The following GLIS1 variants were observed in gnomAD, a reference collection of about 807,000 sequenced individuals.
GLIS1 encodes the protein zinc finger protein GLIS1.
In GLIS1, 24 loss-of-function variants were observed where a neutral mutation model predicts 63.8. The observed-to-expected ratio is 0.38, with a 90% CI of 0.27 to 0.53. GLIS1 has a LOEUF of 0.53. GLIS1 is among the 20% of genes least tolerant of loss of function. The probability of loss-of-function intolerance (pLI) is 0.85; values close to 1 mark genes in which losing one functional copy is unlikely to be tolerated. For missense variants in GLIS1, 1,036 were observed against 1,074.1 expected (o/e 0.96, Z 0.50); for synonymous variants, 450 against 482.5 (o/e 0.93, Z 0.88).
At chr1:53,716,587 G>C (rs1557538455) in intron 2 of GLIS1, among the ~76,000 whole-genome samples, 1 of 152,176 alleles carries the variant, frequency 6.6e-6, no homozygotes, top group Non-Finnish European at 1.5e-5. Flanking sequence ...GGTATGATAA[G>C]ATATTGCATC....
At chr1:53,514,051 T>C (rs984705822) in intron 8 of GLIS1, among the ~76,000 whole-genome samples, 2 of 152,178 alleles carry the variant, frequency 1.3e-5, no homozygotes, top group African/African-American at 4.8e-5. Context: ...CATTCACCAT[T>C]TCCAGTCAAT....
Position 53,646,888 on chromosome 1 carries a change from A to G in GLIS1, c.260-46610T>C, listed in dbSNP as rs1168479540. On this transcript the variant is annotated intron_variant, in intron 2 of 10. Coordinates refer to ENST00000628545, the MANE Select transcript of GLIS1 (RefSeq NM_001367484.1). The surrounding 1 kb of genome is among the most constrained non-coding windows in gnomAD (Gnocchi z 4.2). Reference sequence around the variant, plus strand: ...GAAGGAAGGAAGGAAGGAGAAGGGAAGGGAAGGAAGGAAAGGAAGGAAGGG... The same window carrying G: ...GAAGGAAGGAAGGAAGGAGAAGGGAGGGGAAGGAAGGAAAGGAAGGAAGGG... 6.8e-6 allele frequency among the ~76,000 whole-genome samples: 1 copy of G among 146,988 alleles called. No homozygotes were observed. The highest frequency in any genetic ancestry group is 1.5e-5 in the Non-Finnish European group (1 of 66,508).
intron 2 of GLIS1, among the ~76,000 whole-genome samples, chr1:53,645,727 A>C (rs1254654237): frequency 1.3e-5 from 2 of 152,228 alleles, no homozygotes; most frequent in Non-Finnish European, 2.9e-5. Flanking sequence ...TTTCATCTCC[A>C]TTGTACTCAA....
At chr1:53,709,002 T>C (rs886213935) in intron 2 of GLIS1, among the ~76,000 whole-genome samples, 2 of 152,092 alleles carry the variant, frequency 1.3e-5, no homozygotes, top group Non-Finnish European at 2.9e-5. Flanking sequence ...ATTCATGGAG[T>C]ACTAGTGTAC....
At chr1:53,650,627 C>G (rs1248803814) in intron 2 of GLIS1, among the ~76,000 whole-genome samples, 1 of 150,230 alleles carries the variant, frequency 6.7e-6, no homozygotes, top group East Asian at 2.0e-4. Context: ...TTAGGAAAGG[C>G]TTGGTAGGGT....
At chr1:53,546,268 C>A (rs373311729) in intron 4 of GLIS1, among the ~76,000 whole-genome samples, 1 of 152,246 alleles carries the variant, frequency 6.6e-6, no homozygotes, top group Non-Finnish European at 1.5e-5. Flanking sequence ...GGCAAGCCCA[C>A]GCCACAAACC....
At chr1:53,638,930 G>A (rs1207482079) in intron 2 of GLIS1, among the ~76,000 whole-genome samples, 1 of 152,148 alleles carries the variant, frequency 6.6e-6, no homozygotes, top group East Asian at 1.9e-4. Context: ...CCCTCTTGTG[G>A]TCTGGACTTC....
chr1:53,633,775 C>A (rs2100262031), intron 2 of GLIS1, among the ~76,000 whole-genome samples: 1 of 152,140 alleles, frequency 6.6e-6, no homozygotes. Flanking sequence ...CGTGCACACA[C>A]CCAGGTGTGA....
rs530398757 is a variant in GLIS1 at position 53,659,759 on chromosome 1, G to A, written c.260-59481C>T. Reference sequence around the variant, plus strand: ...CCTGGGAAAGCTGTTCATCTACATTGAGCCTCAGTTTCCTCATCTGCAAAA... The same window carrying A: ...CCTGGGAAAGCTGTTCATCTACATTAAGCCTCAGTTTCCTCATCTGCAAAA... On this transcript the variant is annotated intron_variant, in intron 2 of 10. Transcript: ENST00000628545. Among the ~76,000 whole-genome samples, 36 of 152,324 alleles carry A rather than the reference G, an allele frequency of 2.4e-4. No homozygotes were observed. In the South Asian group the frequency reaches 6.8e-3, roughly 29 times the overall value.
intron 2 of GLIS1, among the ~76,000 whole-genome samples, chr1:53,609,950 T>A (rs1274758210): frequency 6.6e-6 from 1 of 152,246 alleles, no homozygotes; most frequent in Non-Finnish European, 1.5e-5. Flanking sequence ...TTAGCATTTG[T>A]GTATCTCTAA....
chr1:53,536,242 A>G (rs1644580332), intron 4 of GLIS1, among the ~76,000 whole-genome samples: 1 of 152,048 alleles, frequency 6.6e-6, no homozygotes, highest in Admixed American at 6.5e-5. Context: ...GGGCTCCCAC[A>G]CCATGGGAAC....
chr1:53,696,550 C>T (rs1646466856), intron 2 of GLIS1, among the ~76,000 whole-genome samples: 1 of 152,190 alleles, frequency 6.6e-6, no homozygotes, highest in Admixed American at 6.5e-5. Flanking sequence ...CAAAGCATAG[C>T]TAAAAACTCT....
At chr1:53,637,703 C>G (rs1417973180) in intron 2 of GLIS1, among the ~76,000 whole-genome samples, 1 of 152,150 alleles carries the variant, frequency 6.6e-6, no homozygotes, top group Non-Finnish European at 1.5e-5. Context: ...CCACATCCAA[C>G]ATACAAGGGT....
intron 2 of GLIS1, among the ~76,000 whole-genome samples, chr1:53,736,590 G>A (rs1646915014): frequency 6.6e-6 from 1 of 152,112 alleles, no homozygotes; most frequent in Non-Finnish European, 1.5e-5. Flanking sequence ...CACTCAGCAG[G>A]CATTTCCCGC....
chr1:53,526,576 ACAC>A lies in GLIS1; in HGVS notation c.1483-1692_1483-1690del, dbSNP rs1460742320. Among the ~76,000 whole-genome samples, 4 of 151,894 alleles carry A rather than the reference ACAC, an allele frequency of 2.6e-5. No homozygotes were observed. The highest frequency in any genetic ancestry group is 2.9e-5 in the Non-Finnish European group (2 of 67,980). ...ACAAAACCACCACCACCACACACAC[ACAC>A]CACACCATACACACCCACGCACGGC... On this transcript the variant is annotated intron_variant, in intron 5 of 10. Coordinates refer to ENST00000628545, the MANE Select transcript of GLIS1 (RefSeq NM_001367484.1). The surrounding 1 kb of genome is among the most constrained non-coding windows in gnomAD (Gnocchi z 4.4).
intron 4 of GLIS1, among the ~76,000 whole-genome samples, chr1:53,562,762 A>G (rs367691410): frequency 1.1e-4 from 16 of 152,326 alleles, no homozygotes; most frequent in African/African-American, 3.6e-4. Flanking sequence ...TCATTTGTCA[A>G]TGGAGGTGAT....
chr1:53,721,995 A>T (rs1209548536), intron 2 of GLIS1, among the ~76,000 whole-genome samples: 4 of 152,228 alleles, frequency 2.6e-5, no homozygotes, highest in South Asian at 2.1e-4. Flanking sequence ...CAGATGCCCA[A>T]CATAAACACC....
At chr1:53,661,994 C>A (rs935836504) in intron 2 of GLIS1, among the ~76,000 whole-genome samples, 1 of 152,146 alleles carries the variant, frequency 6.6e-6, no homozygotes, top group Admixed American at 6.5e-5. Flanking sequence ...GGGTGACAGA[C>A]CTCTGCTCAA....
chr1:53,512,606 C>T (rs1336774786), intron 8 of GLIS1, among the ~76,000 whole-genome samples: 2 of 152,256 alleles, frequency 1.3e-5, no homozygotes, highest in South Asian at 2.1e-4. Context: ...AACCCATTCA[C>T]GCTGGGCCTG....
Sources: allele counts gnomAD v4.1 joint callset (sites outside exome capture counted in the v4.1 genomes callset), GRCh38; gene constraint gnomAD v4.1.1; non-coding constraint Gnocchi (gnomAD v3.1); transcripts MANE v1.5; gene names NCBI Gene and HGNC (gene_info 2026-07-23, HGNC 2026-07-21).